The following KIAA1328 variants were observed in gnomAD, a reference collection of about 807,000 sequenced individuals.
KIAA1328 encodes the protein protein hinderin.
Under a neutral mutation model 68.1 loss-of-function variants are expected in KIAA1328, and 52 were observed. The ratio of observed to expected loss-of-function variants is 0.76; its 90% CI spans 0.61 to 0.96. The LOEUF is 0.96. Ranked by LOEUF, KIAA1328 falls within the 40% of genes least tolerant of loss-of-function variation. KIAA1328 has a pLI of 0.00. For missense variants in KIAA1328, 641 were observed against 677.6 expected, an observed-to-expected ratio of 0.95 and a Z score of 0.60; for synonymous variants, 232 against 239.4, an observed-to-expected ratio of 0.97 and a Z score of 0.28.
At chr18:37,050,345 T>A (rs2055644023) in intron 6 of KIAA1328, among the ~76,000 whole-genome samples, 1 of 152,234 alleles carries the variant, frequency 6.6e-6, no homozygotes, top group African/African-American at 2.4e-5. Context: ...GTTTTGTTTT[T>A]ATTTTATACC....
rs527461750 is a variant in KIAA1328, at chr18:37,035,747, T to C, written c.577-31143T>C. ...TGTGTTAAGAAGATTTAAACTAATTTTGGTTTGGTGTAAGATAATCAAATA... is the reference window on the plus strand; with the variant it reads ...TGTGTTAAGAAGATTTAAACTAATTCTGGTTTGGTGTAAGATAATCAAATA... On this transcript the variant is annotated intron_variant, in intron 6 of 9. Coordinates refer to ENST00000280020, the MANE Select transcript of KIAA1328 (RefSeq NM_020776.3). Among the ~76,000 whole-genome samples the C allele has an allele frequency of 6.6e-5, 10 of 152,306 alleles. No homozygotes were observed. In the East Asian group the frequency reaches 1.5e-3, roughly 24 times the overall value.
intron 5 of KIAA1328, among the ~76,000 whole-genome samples, chr18:36,896,129 G>T (rs1244585544): frequency 1.3e-5 from 2 of 152,136 alleles, no homozygotes; most frequent in African/African-American, 4.8e-5. Flanking sequence ...GCTTTTCAGT[G>T]TATTTGTGGA....
Position 37,075,734 on chromosome 18 carries a change from T to G in KIAA1328, c.1232+8189T>G, listed in dbSNP as rs967348128. 2.2e-4 allele frequency: 34 copies of G among 152,066 alleles called. No individual in the cohort carries two copies. In the East Asian group the frequency reaches 3.3e-3, roughly 15 times the overall value. The allele number at this position is 152,066 out of a possible 1,614,324, so 9.4% of individuals were successfully genotyped here. ...ACCAACAAAGATCAAAAGAGACAAA[T>G]AAGGCCATTACATAATGGTAAAGGT... On this transcript the variant is annotated intron_variant, in intron 7 of 9. Coordinates refer to ENST00000280020, the MANE Select transcript of KIAA1328 (RefSeq NM_020776.3).
chr18:37,213,116 C>T (rs1038621958), intron 9 of KIAA1328, among the ~76,000 whole-genome samples: 1 of 152,158 alleles, frequency 6.6e-6, no homozygotes, highest in Non-Finnish European at 1.5e-5. Context: ...ACATCAGTCA[C>T]TCTTAGCAAA....
chr18:36,875,908 T>G lies in KIAA1328; in HGVS notation c.333-9649T>G, dbSNP rs1362346371. Among the ~76,000 whole-genome samples the G allele has an allele frequency of 5.9e-5, 9 of 151,344 alleles. No homozygotes were observed. The East Asian group carries it at 1.5e-3, about 26-fold the overall frequency. ...GTTGAATTTTATCGAAGGCCTTTTC[T>G]GCATCTATTGAGGTAATCGTGGTTT... On this transcript the variant is annotated intron_variant, in intron 4 of 9. Transcript: ENST00000280020.
chr18:36,844,135 T>C, intron 3 of KIAA1328, 73 bp from the exon 4 acceptor site: 2 of 908,178 alleles, frequency 2.2e-6, no homozygotes, highest in Non-Finnish European at 1.7e-6. Flanking sequence ...AATTTCACCT[T>C]GCACCTAGGT....
Position 36,873,220 on chromosome 18 carries a change from G to C in KIAA1328, c.333-12337G>C, listed in dbSNP as rs187402672. Among the ~76,000 whole-genome samples the C allele has an allele frequency of 1.3e-3, 198 of 152,178 alleles. 1 individual carries two copies. Among genetic ancestry groups the C allele is most frequent in the Non-Finnish European group, 7.2e-4 (49 of 68,020 alleles). The stretch of plus-strand genomic sequence containing the variant: ...TACTATAAGCACCAAAAAGAAACCA[G>C]GTGGCATCTTCAGCAGGTACTTGAA... On this transcript the variant is annotated intron_variant, in intron 4 of 9. Transcript: ENST00000280020.
intron 4 of KIAA1328, among the ~76,000 whole-genome samples, chr18:36,874,928 A>G (rs895112044): frequency 2.0e-5 from 3 of 152,198 alleles, no homozygotes; most frequent in African/African-American, 4.8e-5. Flanking sequence ...CATTTATTTA[A>G]TAGGAAATCC....
intron 6 of KIAA1328, among the ~76,000 whole-genome samples, chr18:37,005,959 G>T (rs1316830994): frequency 6.6e-6 from 1 of 152,092 alleles, no homozygotes; most frequent in Non-Finnish European, 1.5e-5. Context: ...GAGTGGAGGG[G>T]AGGAGGGAGG....
At chr18:36,998,352 C>G (rs1312704377) in intron 6 of KIAA1328, among the ~76,000 whole-genome samples, 1 of 152,166 alleles carries the variant, frequency 6.6e-6, no homozygotes, top group Non-Finnish European at 1.5e-5. Flanking sequence ...AACATTGATG[C>G]ACACCACTCA....
intron 9 of KIAA1328, chr18:37,193,655 A>G (rs185794277): frequency 1.4e-6 from 1 of 702,662 alleles, no homozygotes; most frequent in East Asian, 2.7e-5. Flanking sequence ...CTCCTAGACA[A>G]AATGCTAGGC....
intron 7 of KIAA1328, among the ~76,000 whole-genome samples, chr18:37,108,364 C>T (rs1349680795): frequency 6.6e-6 from 1 of 151,422 alleles, no homozygotes; most frequent in Non-Finnish European, 1.5e-5. Context: ...CTGTGAACTA[C>T]TACTGGGGGA....
intron 4 of KIAA1328, among the ~76,000 whole-genome samples, chr18:36,864,483 A>G (rs913339662): frequency 6.6e-6 from 1 of 151,512 alleles, no homozygotes; most frequent in Admixed American, 6.6e-5. Flanking sequence ...TTGTATTTTT[A>G]GTAGAGACGG....
At chr18:37,023,795 A>G (rs1348108551) in intron 6 of KIAA1328, among the ~76,000 whole-genome samples, 1 of 151,936 alleles carries the variant, frequency 6.6e-6, no homozygotes, top group African/African-American at 2.4e-5. Context: ...TTATTTATTT[A>G]TTTATTTGTT....
intron 5 of KIAA1328, among the ~76,000 whole-genome samples, chr18:36,948,618 C>T (rs568978997): frequency 4.2e-4 from 63 of 148,678 alleles, no homozygotes; most frequent in African/African-American, 1.5e-3. Flanking sequence ...GGCACGATCT[C>T]AGCTCACCGC....
At chr18:36,871,271 C>T (rs896289062) in intron 4 of KIAA1328, among the ~76,000 whole-genome samples, 11 of 152,164 alleles carry the variant, frequency 7.2e-5, no homozygotes, top group Admixed American at 7.2e-4. Flanking sequence ...AAAGTCTGCT[C>T]GCTATCAAGT....
chr18:37,203,812 C>CTTT (rs758996149), intron 9 of KIAA1328, among the ~76,000 whole-genome samples: 1 of 142,300 alleles, frequency 7.0e-6, no homozygotes, highest in Non-Finnish European at 1.5e-5. Flanking sequence ...AACCCAGATT[C>CTTT]TTTTTTTTTT....
intron 6 of KIAA1328, among the ~76,000 whole-genome samples, chr18:37,064,152 A>T (rs1044824272): frequency 6.6e-6 from 1 of 152,160 alleles, no homozygotes; most frequent in African/African-American, 2.4e-5. Flanking sequence ...GCTGGTTCAT[A>T]TTCTATTGCT....
intron 6 of KIAA1328, among the ~76,000 whole-genome samples, chr18:36,986,338 A>G (rs369236934): frequency 1.1e-3 from 164 of 152,212 alleles, no homozygotes; most frequent in Middle Eastern, 6.8e-3. Context: ...TCAATTCAAG[A>G]TGGATTAAAG....
Sources: allele counts gnomAD v4.1 joint callset (sites outside exome capture counted in the v4.1 genomes callset), GRCh38; gene constraint gnomAD v4.1.1; transcripts MANE v1.5; gene names NCBI Gene and HGNC (gene_info 2026-07-23, HGNC 2026-07-21).